KCNQ5: variants seen among roughly 807,000 people sequenced by gnomAD.
KCNQ5 encodes the protein potassium voltage-gated channel subfamily KQT member 5.
In KCNQ5, 30 loss-of-function variants were observed where a neutral mutation model predicts 98.2. That is an observed-to-expected ratio of 0.31 (90% confidence interval 0.23 to 0.41). The LOEUF (loss-of-function observed/expected upper bound fraction) is 0.41, where lower values mean the gene tolerates loss of function less well. KCNQ5 is among the 10% of genes least tolerant of loss of function. The probability of loss-of-function intolerance (pLI) is 1.00; values close to 1 mark genes in which losing one functional copy is unlikely to be tolerated. For missense variants in KCNQ5, 835 were observed against 1,182.5 expected (o/e 0.71, Z 4.31); for synonymous variants, 458 against 449.4 (o/e 1.02, Z -0.24).
At chr6:73,055,626 G>A (rs1772450291) in intron 3 of KCNQ5, 5 of 1,209,148 alleles carry the variant, frequency 4.1e-6, no homozygotes, top group East Asian at 2.3e-5. Context: ...GAGGGGAAAT[G>A]GGTACTGACT....
intron 1 of KCNQ5, among the ~76,000 whole-genome samples, chr6:72,888,888 T>A (rs749581075): frequency 6.6e-6 from 1 of 152,134 alleles, no homozygotes; most frequent in Non-Finnish European, 1.5e-5. Context: ...GATACAGCAG[T>A]GCGCAGAAGA....
chr6:72,831,802 C>T (rs1262248621), intron 1 of KCNQ5, among the ~76,000 whole-genome samples: 1 of 151,706 alleles, frequency 6.6e-6, no homozygotes, highest in African/African-American at 2.4e-5. Flanking sequence ...TTGCAGAGCC[C>T]TTTTACTAGG....
chr6:73,144,247 G>A (rs1776831966), intron 10 of KCNQ5, among the ~76,000 whole-genome samples: 1 of 152,070 alleles, frequency 6.6e-6, no homozygotes, highest in Non-Finnish European at 1.5e-5. Context: ...GCTTTTACAG[G>A]TATTTTATTT....
intron 3 of KCNQ5, among the ~76,000 whole-genome samples, chr6:73,075,258 C>T (rs1297286235): frequency 1.4e-5 from 2 of 145,856 alleles, no homozygotes; most frequent in Non-Finnish European, 3.0e-5. Context: ...CAGTCTTGCT[C>T]TGTCGCTAGG....
intron 1 of KCNQ5, chr6:72,640,756 T>A (rs193010071): frequency 1.3e-5 from 2 of 152,106 alleles, no homozygotes; most frequent in Non-Finnish European, 2.9e-5. Flanking sequence ...CCTGCAAAAA[T>A]GTTAAGTAGC....
At chr6:72,818,216 T>C (rs981984931) in intron 1 of KCNQ5, among the ~76,000 whole-genome samples, 2 of 152,146 alleles carry the variant, frequency 1.3e-5, no homozygotes, top group Non-Finnish European at 2.9e-5. Context: ...AAAGGCTGAT[T>C]AATAAAAAGG....
chr6:72,932,794 A>C (rs1181502799), intron 1 of KCNQ5, among the ~76,000 whole-genome samples: 1 of 152,188 alleles, frequency 6.6e-6, no homozygotes, highest in Admixed American at 6.5e-5. Context: ...ATAAAATTAA[A>C]GAGAGTTTTT....
chr6:72,962,212 T>C (rs1489181703), intron 1 of KCNQ5, among the ~76,000 whole-genome samples: 1 of 141,186 alleles, frequency 7.1e-6, no homozygotes, highest in Non-Finnish European at 1.5e-5. Context: ...CATATATATA[T>C]ATATACACAC....
rs936907259 is a variant in KCNQ5, at chr6:73,196,951, A to G, written c.*1537A>G. ...CATTCAAAAAAAAAGGACATAAGAGATAGCATTTCAATTCAATTAAACCCT... is the reference window on the plus strand; with the variant it reads ...CATTCAAAAAAAAAGGACATAAGAGGTAGCATTTCAATTCAATTAAACCCT... On this transcript the variant is annotated 3_prime_UTR_variant, in exon 14 of 14. Transcript: ENST00000370398. 5 of 152,188 alleles carry G rather than the reference A, an allele frequency of 3.3e-5. No individual in the cohort carries two copies. The highest frequency in any genetic ancestry group is 1.2e-4 in the African/African-American group (5 of 41,434). 9.4% of individuals were successfully genotyped at this position (152,188 alleles called of 1,614,324 possible). A position where few individuals can be genotyped will look rare whatever the true frequency, so the allele number is the denominator to read the frequency against.
rs1342433400 is a variant in KCNQ5, at chr6:72,622,076, C to T, written c.-114C>T. 37 of 922,562 alleles carry T rather than the reference C, an allele frequency of 4.0e-5. No individual in the cohort carries two copies. Among genetic ancestry groups the T allele is most frequent in the Non-Finnish European group, 4.9e-5 (35 of 713,668 alleles). 57.1% of individuals were successfully genotyped at this position (922,562 alleles called of 1,614,324 possible). A position where few individuals can be genotyped will look rare whatever the true frequency, so the allele number is the denominator to read the frequency against. ...CCGCCCCCGGCTCAGAGGTCTCTGG[C>T]TGGCGGGCGCCCCGTCGGCCGCCGG... On this transcript the variant is annotated 5_prime_UTR_variant, in exon 1 of 14. Transcript: ENST00000370398. The surrounding 1 kb of genome is among the most constrained non-coding windows in gnomAD (Gnocchi z 6.0).
At chr6:72,920,734 A>G (rs1780355354) in intron 1 of KCNQ5, among the ~76,000 whole-genome samples, 1 of 152,152 alleles carries the variant, frequency 6.6e-6, no homozygotes, top group African/African-American at 2.4e-5. Context: ...TACTTTTTAT[A>G]TGTGTATTTT....
At position 73,037,553 on chromosome 6, in the gene KCNQ5, G is replaced by T. The variant is rs147030273; in HGVS notation, c.490-4383G>T. Reference sequence around the variant, plus strand: ...TGATTATCATAAGATAGGAAGTATAGATTAAGGTCCACTTTTTTGCCTATA... The same window carrying T: ...TGATTATCATAAGATAGGAAGTATATATTAAGGTCCACTTTTTTGCCTATA... On this transcript the variant is annotated intron_variant, in intron 2 of 13. Transcript: ENST00000370398. 4.3e-4 allele frequency among the ~76,000 whole-genome samples: 65 copies of T among 152,260 alleles called. 1 individual carries two copies. The East Asian group carries it at 7.9e-3, about 19-fold the overall frequency.
chr6:72,851,038 C>A (rs1191083316), intron 1 of KCNQ5, among the ~76,000 whole-genome samples: 1 of 152,032 alleles, frequency 6.6e-6, no homozygotes, highest in Non-Finnish European at 1.5e-5. Flanking sequence ...GAAGTAGGTT[C>A]ACATATAATA....
intron 1 of KCNQ5, among the ~76,000 whole-genome samples, chr6:72,723,336 T>C (rs1048292402): frequency 6.6e-6 from 1 of 152,186 alleles, no homozygotes. Flanking sequence ...AGTAAAAATT[T>C]AGTATGTGTT....
chr6:72,784,585 G>A (rs891434713), intron 1 of KCNQ5, among the ~76,000 whole-genome samples: 3 of 152,154 alleles, frequency 2.0e-5, no homozygotes, highest in Non-Finnish European at 4.4e-5. Flanking sequence ...ACAGGGTCTT[G>A]CAGGACTGGG....
At chr6:72,763,568 C>T (rs2154477130) in intron 1 of KCNQ5, among the ~76,000 whole-genome samples, 1 of 152,056 alleles carries the variant, frequency 6.6e-6, no homozygotes, top group Admixed American at 6.6e-5. Context: ...AATGTAAATT[C>T]TTACAATTCT....
At chr6:72,969,707 G>A (rs772991925) in intron 1 of KCNQ5, among the ~76,000 whole-genome samples, 5 of 152,100 alleles carry the variant, frequency 3.3e-5, no homozygotes, top group East Asian at 1.9e-4. Context: ...AGACCTTAAA[G>A]GTCAAAGAAA....
At chr6:72,686,846 A>G (rs1335952753) in intron 1 of KCNQ5, among the ~76,000 whole-genome samples, 2 of 151,194 alleles carry the variant, frequency 1.3e-5, no homozygotes, top group Admixed American at 1.3e-4. Context: ...AATGTTACTC[A>G]GGTGTTCTGT....
chr6:72,706,831 G>A (rs1381403666), intron 1 of KCNQ5, among the ~76,000 whole-genome samples: 1 of 152,106 alleles, frequency 6.6e-6, no homozygotes, highest in African/African-American at 2.4e-5. Flanking sequence ...TGATTAAAAA[G>A]TATCATCTTT....
Sources: allele counts gnomAD v4.1 joint callset (sites outside exome capture counted in the v4.1 genomes callset), GRCh38; gene constraint gnomAD v4.1.1; non-coding constraint Gnocchi (gnomAD v3.1); transcripts MANE v1.5; gene names NCBI Gene and HGNC (gene_info 2026-07-23, HGNC 2026-07-21).